SDK2: variants seen among roughly 807,000 people sequenced by gnomAD.
SDK2 encodes the protein sidekick cell adhesion molecule 2, also known as protein sidekick-2.
Under a neutral mutation model 253.9 loss-of-function variants are expected in SDK2, and 105 were observed. That is an observed-to-expected ratio of 0.41 (90% CI 0.35 to 0.49). The LOEUF (loss-of-function observed/expected upper bound fraction) is 0.49. SDK2 is among the 20% of genes least tolerant of loss of function. SDK2 has a pLI of 0.06. For missense variants in SDK2, 2,608 were observed against 3,003.0 expected (o/e 0.87, Z 3.07); for synonymous variants, 1,249 against 1,234.9 (o/e 1.01, Z -0.24).
intron 1 of SDK2, among the ~76,000 whole-genome samples, chr17:73,615,005 G>A (rs892350476): frequency 1.3e-5 from 2 of 149,140 alleles, no homozygotes; most frequent in Admixed American, 6.7e-5. Context: ...AAGAAAGTTT[G>A]TAAAGGCTGC....
rs1001452551 is a variant in SDK2 at position 73,616,845 on chromosome 17, C to G, written c.64+27180G>C. On this transcript the variant is annotated intron_variant, in intron 1 of 44. Coordinates refer to ENST00000392650, the MANE Select transcript of SDK2 (RefSeq NM_001144952.2). This position sits in a 1 kb window ranked among gnomAD's most constrained non-coding sequence, Gnocchi z 5.2. ...GGGGTCAGATTCCAGGGCTCAGGGACACAGAAGCCCCTTCTGAAGTGGGGA... is the reference window on the plus strand; with the variant it reads ...GGGGTCAGATTCCAGGGCTCAGGGAGACAGAAGCCCCTTCTGAAGTGGGGA... 2.0e-5 allele frequency among the ~76,000 whole-genome samples: 3 copies of G among 152,054 alleles called. No homozygotes were observed. The highest frequency in any genetic ancestry group is 6.6e-5 in the Admixed American group (1 of 15,264).
At chr17:73,432,567 T>C (rs2063333935) in intron 10 of SDK2, among the ~76,000 whole-genome samples, 1 of 151,648 alleles carries the variant, frequency 6.6e-6, no homozygotes, top group Non-Finnish European at 1.5e-5. Context: ...GAGACGGCAG[T>C]GGACAAAACC....
At chr17:73,404,841 TAGAG>T (rs2063058069) in intron 18 of SDK2, among the ~76,000 whole-genome samples, 1 of 152,034 alleles carries the variant, frequency 6.6e-6, no homozygotes, top group African/African-American at 2.4e-5. Flanking sequence ...AATTCCCCCT[TAGAG>T]AGCAGAGGCC....
intron 27 of SDK2, among the ~76,000 whole-genome samples, 168 bp from the exon 28 acceptor site, chr17:73,391,706 G>C (rs1239315520): frequency 6.6e-6 from 1 of 152,200 alleles, no homozygotes; most frequent in Non-Finnish European, 1.5e-5. Context: ...AGGAGCCAGG[G>C]GCAAGAACGT....
At chr17:73,410,932 T>C (rs2063120736) in intron 18 of SDK2, among the ~76,000 whole-genome samples, 1 of 152,154 alleles carries the variant, frequency 6.6e-6, no homozygotes, top group African/African-American at 2.4e-5. Flanking sequence ...GGGGGAGCTG[T>C]TTGCCTTAAA....
chr17:73,365,301 C>G lies in SDK2; in HGVS notation c.5262G>C (p.Leu1754=). ...WEAPQFPNGI[L]EGYRLVYEPC... Reference sequence around the variant, plus strand: ...GCTCGTACACCAGCCTGTAGCCCTCCAGGATGCCATTGGGGAACTGCGGGG... The same window carrying G: ...GCTCGTACACCAGCCTGTAGCCCTCGAGGATGCCATTGGGGAACTGCGGGG... Residue 1754 remains leucine (L), a synonymous_variant, in exon 38 of 45, where the codon CTG becomes CTC. Transcript: ENST00000392650. 1 of 1,613,324 alleles carries G rather than the reference C, an allele frequency of 6.2e-7. No individual in the cohort carries two copies. The highest frequency in any genetic ancestry group is 8.5e-7 in the Non-Finnish European group (1 of 1,179,628).
Position 73,361,698 on chromosome 17 carries a change from G to A in SDK2, c.5453C>T (p.Thr1818Met), listed in dbSNP as rs374728907. ...TGCTCTCCTACCTTCTCCGGGGCCC[G>A]TGGTGACGTTGGCTTCGATCTCCGG... Reference protein sequence around the residue: ...YGPEIEANVTTGPGEGAPGPP... With the variant: ...YGPEIEANVTMGPGEGAPGPP... The change falls in exon 39 of 45, where the codon ACG becomes ATG. Residue 1818 changes from threonine (T) to methionine (M), a missense_variant. Thr to Met is a moderately conservative substitution (Grantham distance 81, BLOSUM62 -1). Coordinates refer to ENST00000392650, the MANE Select transcript of SDK2 (RefSeq NM_001144952.2). This position sits in a 1 kb window ranked among gnomAD's most constrained non-coding sequence, Gnocchi z 4.1. 26 of 1,611,702 alleles carry A rather than the reference G, an allele frequency of 1.6e-5. No homozygotes were observed. Among genetic ancestry groups the A allele is most frequent in the Middle Eastern group, 3.3e-4 (2 of 6,076 alleles).
intron 1 of SDK2, chr17:73,517,462 G>A (rs925157976): frequency 1.3e-5 from 2 of 152,228 alleles, no homozygotes; most frequent in African/African-American, 4.8e-5. Context: ...AGTAAAGACA[G>A]AGGCAGGGAC....
In SDK2 at chr17:73,415,887, C is replaced by A; in HGVS notation, c.2292G>T (p.Glu764Asp). The A allele has an allele frequency of 6.3e-7, 1 of 1,595,700 alleles. No individual in the cohort carries two copies. Among genetic ancestry groups the A allele is most frequent in the Admixed American group, 1.8e-5 (1 of 56,718 alleles). Residue 764 changes from glutamate to aspartate, a missense_variant, in exon 17 of 45, where the codon GAG becomes GAT. By Grantham distance (45) the Glu-to-Asp change is conservative (BLOSUM62 2). This residue lies in a region of SDK2 where 1,505 missense variants were observed against 1,859.1 expected (regional missense o/e 0.81). Coordinates refer to ENST00000392650, the MANE Select transcript of SDK2 (RefSeq NM_001144952.2). ...CGCTGTTGTAAGCAGCCACCTCGAT[C>A]TCGTAGTTGGTCCAAATGATGAGAT... Reference protein sequence around the residue: ...LEDLIIWTNYEIEVAAYNSAG... With the variant: ...LEDLIIWTNYDIEVAAYNSAG...
At chr17:73,536,251 C>G (rs1248196231) in intron 1 of SDK2, among the ~76,000 whole-genome samples, 1 of 152,198 alleles carries the variant, frequency 6.6e-6, no homozygotes, top group Non-Finnish European at 1.5e-5. Context: ...AGAGGCCATC[C>G]TTTAAGAACC....
At chr17:73,503,687 C>T (rs2063908377) in intron 2 of SDK2, among the ~76,000 whole-genome samples, 2 of 152,206 alleles carry the variant, frequency 1.3e-5, no homozygotes, top group African/African-American at 4.8e-5. Context: ...CACCCTTCTT[C>T]CCTACCACGT....
At chr17:73,546,255 G>A (rs999626527) in intron 1 of SDK2, among the ~76,000 whole-genome samples, 3 of 152,232 alleles carry the variant, frequency 2.0e-5, no homozygotes, top group South Asian at 2.1e-4. Context: ...GGATGCAGGC[G>A]GAGGAGGAAA....
At chr17:73,484,322 G>C (rs570485217) in intron 2 of SDK2, among the ~76,000 whole-genome samples, 4 of 152,350 alleles carry the variant, frequency 2.6e-5, no homozygotes, top group Admixed American at 6.5e-5. Context: ...CCGAATCATG[G>C]TGGGTGGCCA....
chr17:73,473,928 T>C (rs2063668858), intron 2 of SDK2, among the ~76,000 whole-genome samples: 1 of 152,026 alleles, frequency 6.6e-6, no homozygotes, highest in South Asian at 2.1e-4. Flanking sequence ...TAAATAGAAA[T>C]GGTCAGCATT....
chr17:73,357,701 A>C, intron 40 of SDK2: 1 of 328,402 alleles, frequency 3.0e-6, no homozygotes, highest in Non-Finnish European at 5.7e-6. Flanking sequence ...TGGCAGAGAC[A>C]GGGCTTCGAG....
intron 1 of SDK2, among the ~76,000 whole-genome samples, chr17:73,613,604 C>T (rs2046007868): frequency 6.8e-6 from 1 of 147,478 alleles, no homozygotes; most frequent in African/African-American, 2.5e-5. Flanking sequence ...CACCCCCACC[C>T]CCAGCCCCCT....
chr17:73,436,587 A>AAAT (rs1555578380), intron 8 of SDK2, among the ~76,000 whole-genome samples: 11 of 145,620 alleles, frequency 7.6e-5, no homozygotes, highest in South Asian at 7.1e-4. Context: ...AAAAAAAAAA[A>AAAT]AAAAAAAAAA....
At chr17:73,632,029 C>A (rs566368664) in intron 1 of SDK2, among the ~76,000 whole-genome samples, 2 of 152,194 alleles carry the variant, frequency 1.3e-5, no homozygotes, top group South Asian at 4.1e-4. Context: ...TGAAGAAGAA[C>A]CCAGACTACC....
intron 29 of SDK2, among the ~76,000 whole-genome samples, chr17:73,389,292 T>C (rs1038432333): frequency 6.6e-6 from 1 of 150,970 alleles, no homozygotes; most frequent in African/African-American, 2.5e-5. Context: ...CAAGCGATTC[T>C]TTTGCCTCAG....
Sources: gnomAD v4.1 joint callset for allele counts (sites outside exome capture counted in the v4.1 genomes callset) on GRCh38, gnomAD v4.1.1 for gene constraint, gnomAD v4.1.1 regional missense constraint, Gnocchi (gnomAD v3.1) non-coding constraint, MANE v1.5 for transcripts, NCBI Gene and HGNC (gene_info 2026-07-23, HGNC 2026-07-21) for gene names.